JAKMIP2: variants seen among roughly 807,000 people sequenced by gnomAD.
JAKMIP2 encodes the protein janus kinase and microtubule interacting protein 2.
JAKMIP2 carries 25 observed loss-of-function variants against 115.0 expected under a neutral mutation model. The ratio of observed to expected loss-of-function variants is 0.22; its 90% CI spans 0.16 to 0.30. JAKMIP2 has a LOEUF of 0.30. Among genes scored for constraint, JAKMIP2 ranks in the 10% least tolerant of loss-of-function variants. The pLI is 1.00. For synonymous variants in JAKMIP2, 334 were observed against 343.6 expected (o/e 0.97, Z 0.31); for missense variants, 642 against 957.6 (o/e 0.67, Z 4.35).
intron 1 of JAKMIP2, among the ~76,000 whole-genome samples, chr5:147,709,594 T>G (rs2126907968): frequency 6.6e-6 from 1 of 152,274 alleles, no homozygotes; most frequent in Non-Finnish European, 1.5e-5. Context: ...CTCACGCCTG[T>G]AATCCCAGCA....
chr5:147,702,553 GAAGA>G (rs140762384), intron 1 of JAKMIP2, among the ~76,000 whole-genome samples: 7,471 of 102,756 alleles, frequency 0.073, 524 homozygotes, highest in African/African-American at 0.13. Flanking sequence ...GACAAAGAAA[GAAGA>G]AAGAAAGAAA....
At chr5:147,744,699 T>G (rs1754285149) in intron 1 of JAKMIP2, among the ~76,000 whole-genome samples, 4 of 151,904 alleles carry the variant, frequency 2.6e-5, no homozygotes, top group Admixed American at 2.0e-4. Context: ...TTAAAATGGG[T>G]GATGGATGTC....
At chr5:147,748,133 C>T (rs1319341876) in intron 1 of JAKMIP2, among the ~76,000 whole-genome samples, 1 of 152,124 alleles carries the variant, frequency 6.6e-6, no homozygotes, top group South Asian at 2.1e-4. Flanking sequence ...TACAGAATGC[C>T]AGGGTTCAAA....
At chr5:147,778,904 C>T (rs1225234464) in intron 1 of JAKMIP2, among the ~76,000 whole-genome samples, 2 of 152,016 alleles carry the variant, frequency 1.3e-5, no homozygotes, top group African/African-American at 4.8e-5. Context: ...ATTAATTTAT[C>T]CTGCTTGAAA....
rs148728158 is a variant in JAKMIP2, at chr5:147,718,767, T to C, written c.-148-46813A>G. ...TTCTTTATTAGTCTTGCTAGCAGTC[T>C]ATCAATTTTGTTGATCCTTTCATAA... On this transcript the variant is annotated intron_variant, in intron 1 of 21. Coordinates refer to ENST00000616793, the MANE Select transcript of JAKMIP2 (RefSeq NM_001270941.2). Among the ~76,000 whole-genome samples, 1,373 of 152,314 alleles carry C rather than the reference T, an allele frequency of 9.0e-3. 19 individuals carry two copies. Among genetic ancestry groups the C allele is most frequent in the African/African-American group, 0.031 (1,306 of 41,550 alleles).
At chr5:147,613,620 C>T (rs1032562122) in intron 19 of JAKMIP2, among the ~76,000 whole-genome samples, 7 of 152,136 alleles carry the variant, frequency 4.6e-5, no homozygotes, top group Admixed American at 3.9e-4. Flanking sequence ...AATGTCTTGA[C>T]ATTTTTGTAC....
chr5:147,764,969 GGAGAGA>G (rs1444012020), intron 1 of JAKMIP2, among the ~76,000 whole-genome samples: 1 of 33,906 alleles, frequency 2.9e-5, no homozygotes. Context: ...AGAGAGAGGG[GGAGAGA>G]GAGAGAGAGA....
At chr5:147,668,789 G>C (rs115168214) in intron 2 of JAKMIP2, among the ~76,000 whole-genome samples, 1 of 152,202 alleles carries the variant, frequency 6.6e-6, no homozygotes, top group Non-Finnish European at 1.5e-5. Flanking sequence ...GAAAAACACA[G>C]AGGGGTTTTA....
At chr5:147,664,837 T>C (rs1294085985) in intron 2 of JAKMIP2, among the ~76,000 whole-genome samples, 1 of 152,076 alleles carries the variant, frequency 6.6e-6, no homozygotes, top group Non-Finnish European at 1.5e-5. Flanking sequence ...GTGGCATGTG[T>C]AGAACTAAGG....
intron 3 of JAKMIP2, among the ~76,000 whole-genome samples, chr5:147,656,440 A>T (rs534421420): frequency 1.2e-4 from 19 of 152,318 alleles, no homozygotes; most frequent in African/African-American, 4.6e-4. Flanking sequence ...CCATTATGTA[A>T]TGCCCTTCTT....
At chr5:147,595,962 G>A (rs1305850920) in intron 21 of JAKMIP2, among the ~76,000 whole-genome samples, 1 of 152,182 alleles carries the variant, frequency 6.6e-6, no homozygotes, top group Non-Finnish European at 1.5e-5. Context: ...CAAGAAAGAT[G>A]CCCTTGTGGG....
chr5:147,771,101 A>G (rs1755336821), intron 1 of JAKMIP2, among the ~76,000 whole-genome samples: 1 of 152,166 alleles, frequency 6.6e-6, no homozygotes, highest in South Asian at 2.1e-4. Context: ...ACATTCAAAT[A>G]TATTTGCCTT....
At chr5:147,659,683 C>A (rs1220276294) in intron 3 of JAKMIP2, among the ~76,000 whole-genome samples, 1 of 152,160 alleles carries the variant, frequency 6.6e-6, no homozygotes, top group Non-Finnish European at 1.5e-5. Context: ...CTCCAGAGTT[C>A]GAAGTCCTGA....
intron 1 of JAKMIP2, among the ~76,000 whole-genome samples, chr5:147,716,964 T>C (rs1489697837): frequency 2.1e-3 from 307 of 143,690 alleles, no homozygotes; most frequent in African/African-American, 7.7e-3. Context: ...CCTTCTAGGG[T>C]TTTTATGGTT....
rs1754973272 is a variant in JAKMIP2 at position 147,588,608 on chromosome 5, T to C, written c.*3099A>G. ...ACTTTATTCAAGGATATATTCATTT[T>C]GAGGCTCATGAGCAAGAGTTGGTAA... On this transcript the variant is annotated 3_prime_UTR_variant, in exon 22 of 22. Coordinates refer to ENST00000616793, the MANE Select transcript of JAKMIP2 (RefSeq NM_001270941.2). The C allele has an allele frequency of 6.6e-6, 1 of 152,146 alleles. No homozygotes were observed. Among genetic ancestry groups the C allele is most frequent in the African/African-American group, 2.4e-5 (1 of 41,428 alleles). 9.4% of individuals were successfully genotyped at this position (152,146 alleles called of 1,614,324 possible).
In JAKMIP2 at chr5:147,702,689, A is replaced by AAAG. The variant is rs1561547858; in HGVS notation, c.-148-30736_-148-30735insCTT. On this transcript the variant is annotated intron_variant, in intron 1 of 21. Coordinates refer to ENST00000616793, the MANE Select transcript of JAKMIP2 (RefSeq NM_001270941.2). Reference sequence around the variant, plus strand: ...GAGAGAGAAAGAAAGAGAAAGAAAGAAAAGAAAAGAAAAGAAAAAAAAAGA... The same window carrying AAAG: ...GAGAGAGAAAGAAAGAGAAAGAAAGAAAGAAAGAAAAGAAAAGAAAAAAAAAGA... Among the ~76,000 whole-genome samples, 11 of 139,890 alleles carry AAAG rather than the reference A, an allele frequency of 7.9e-5. 1 individual carries two copies. The highest frequency in any genetic ancestry group is 2.9e-4 in the African/African-American group (10 of 34,598). The allele number at this position is 139,890 out of a possible 152,430, so 91.8% of individuals were successfully genotyped here.
At chr5:147,594,359 G>A (rs540748846) in intron 21 of JAKMIP2, 59 of 397,570 alleles carry the variant, frequency 1.5e-4, no homozygotes, top group African/African-American at 1.1e-3. Context: ...TTTTGATACA[G>A]GGTCTTGCTT....
At chr5:147,612,507 T>C in intron 19 of JAKMIP2, 136 bp from the exon 20 acceptor site, 1 of 572,028 alleles carries the variant, frequency 1.7e-6, no homozygotes, top group Admixed American at 3.4e-5. Context: ...ATCGCATGTA[T>C]GTTTTCCCCA....
chr5:147,771,281 C>T (rs919959838), intron 1 of JAKMIP2, among the ~76,000 whole-genome samples: 4 of 151,868 alleles, frequency 2.6e-5, no homozygotes, highest in African/African-American at 9.7e-5. Context: ...AGTTGCTTGA[C>T]CTCAATATGC....
Sources: allele counts gnomAD v4.1 joint callset (sites outside exome capture counted in the v4.1 genomes callset), GRCh38; gene constraint gnomAD v4.1.1; transcripts MANE v1.5; gene names NCBI Gene and HGNC (gene_info 2026-07-23, HGNC 2026-07-21).